Variants in CSMD2 observed in about 807,000 individuals in gnomAD.
CSMD2 encodes the protein CUB and Sushi multiple domains 2, also known as CUB and sushi domain-containing protein 2.
CSMD2 carries 130 observed loss-of-function variants against 398.5 expected under a neutral mutation model. That is an observed-to-expected ratio of 0.33 (90% CI 0.28 to 0.38). CSMD2 has a LOEUF of 0.38. CSMD2 is among the 10% of genes least tolerant of loss of function. The pLI is 1.00. For missense variants in CSMD2, 3,829 were observed against 4,764.9 expected, an observed-to-expected ratio of 0.80 and a Z score of 5.78; for synonymous variants, 1,828 against 1,908.5, an observed-to-expected ratio of 0.96 and a Z score of 1.10.
In CSMD2 at chr1:33,543,012, G is replaced by A. The variant is rs1315350072; in HGVS notation, c.9101-116C>T. 1.4e-5 allele frequency: 10 copies of A among 718,792 alleles called. No homozygotes were observed. The African/African-American group carries it at 1.6e-4, about 12-fold the overall frequency. 44.5% of individuals were successfully genotyped at this position (718,792 alleles called of 1,614,324 possible). A position where few individuals can be genotyped will look rare whatever the true frequency, so the allele number is the denominator to read the frequency against. ...ACCTCGGGACCTCGTGGATAGAAAT[G>A]CCTCTCATGCTGCTTTTGTATCGAA... On this transcript the variant is annotated intron_variant, in intron 57 of 70. Transcript: ENST00000373381.
intron 5 of CSMD2, among the ~76,000 whole-genome samples, chr1:33,889,625 T>A (rs1017482939): frequency 8.6e-5 from 13 of 151,606 alleles, no homozygotes; most frequent in African/African-American, 3.2e-4. Flanking sequence ...ATGCAATTAT[T>A]AGGGAAATTG....
At chr1:33,831,668 C>A (rs1659580120) in intron 6 of CSMD2, among the ~76,000 whole-genome samples, 2 of 151,890 alleles carry the variant, frequency 1.3e-5, no homozygotes, top group African/African-American at 4.8e-5. Flanking sequence ...ACAATATTAA[C>A]CTTAAATGTA....
chr1:34,064,205 G>C (rs575222117), intron 2 of CSMD2, among the ~76,000 whole-genome samples: 1 of 152,274 alleles, frequency 6.6e-6, no homozygotes, highest in African/African-American at 2.4e-5. Flanking sequence ...TTGGTTCCTT[G>C]TTACTTATGC....
chr1:33,907,376 C>T (rs1643163571), intron 5 of CSMD2, among the ~76,000 whole-genome samples: 2 of 151,968 alleles, frequency 1.3e-5, no homozygotes, highest in Non-Finnish European at 2.9e-5. Flanking sequence ...ATCCGCCCAC[C>T]TCGGCCTCCC....
At chr1:33,854,887 C>A (rs569337190) in intron 5 of CSMD2, among the ~76,000 whole-genome samples, 2 of 152,114 alleles carry the variant, frequency 1.3e-5, no homozygotes, top group African/African-American at 4.8e-5. Flanking sequence ...CTCACCAACA[C>A]GCTGGGTCTT....
chr1:33,886,976 T>G (rs796439639), intron 5 of CSMD2, among the ~76,000 whole-genome samples: 2 of 147,854 alleles, frequency 1.4e-5, no homozygotes, highest in East Asian at 4.0e-4. Context: ...GACTCAGAGG[T>G]TTTTTTTTTT....
Position 33,716,283 on chromosome 1 carries a change from T to C in CSMD2, c.3217+3A>G. ...TCCCCTCAGGGACCCTCATACTCTT[T>C]ACCTGAGAAGGTGATGTTGAATCCT... On this transcript the variant is annotated splice_donor_region_variant and intron_variant, in intron 20 of 70. Transcript: ENST00000373381. 5 of 1,612,466 alleles carry C rather than the reference T, an allele frequency of 3.1e-6. No individual in the cohort carries two copies. Among genetic ancestry groups the C allele is most frequent in the Non-Finnish European group, 4.2e-6 (5 of 1,178,538 alleles).
At position 34,090,286 on chromosome 1, in the gene CSMD2, G is replaced by A. The variant is rs74068042; in HGVS notation, c.188-1093C>T. On this transcript the variant is annotated intron_variant, in intron 1 of 70. Coordinates refer to ENST00000373381, the MANE Select transcript of CSMD2 (RefSeq NM_001281956.2). ...GGTGATGTGATGATGCCCTCTGTGGGACCACACTTTGAGCAGCAATGCCCT... is the reference window on the plus strand; with the variant it reads ...GGTGATGTGATGATGCCCTCTGTGGAACCACACTTTGAGCAGCAATGCCCT... 3.8e-3 allele frequency among the ~76,000 whole-genome samples: 584 copies of A among 152,256 alleles called. 6 individuals carry two copies. The highest frequency in any genetic ancestry group is 0.024 in the Middle Eastern group (7 of 294).
intron 1 of CSMD2, among the ~76,000 whole-genome samples, chr1:34,092,537 G>T (rs895798403): frequency 6.6e-6 from 1 of 152,154 alleles, no homozygotes; most frequent in Non-Finnish European, 1.5e-5. Flanking sequence ...GTGGGCGCAG[G>T]TCAGTGGGTG....
At chr1:33,700,894 A>G (rs1645590967) in intron 22 of CSMD2, among the ~76,000 whole-genome samples, 1 of 152,206 alleles carries the variant, frequency 6.6e-6, no homozygotes, top group African/African-American at 2.4e-5. Context: ...GCCCATCTTT[A>G]GTGTGAATCT....
chr1:33,953,785 C>G (rs533520395), intron 3 of CSMD2, among the ~76,000 whole-genome samples: 2 of 152,282 alleles, frequency 1.3e-5, no homozygotes, highest in South Asian at 4.1e-4. Context: ...TCAAGCTGAC[C>G]CTGCTCCCTG....
intron 1 of CSMD2, among the ~76,000 whole-genome samples, chr1:34,140,351 C>CCT (rs35013313): frequency 0.99 from 149,797 of 151,024 alleles, 74,298 homozygotes; most frequent in Middle Eastern, 1. Flanking sequence ...AAAGCATGGC[C>CCT]CTGTGAGCTT....
intron 1 of CSMD2, among the ~76,000 whole-genome samples, chr1:34,146,158 C>A (rs887031579): frequency 6.6e-6 from 1 of 152,122 alleles, no homozygotes; most frequent in African/African-American, 2.4e-5. Context: ...CTCAGCCTCC[C>A]GAGTCACCAG....
intron 1 of CSMD2, among the ~76,000 whole-genome samples, chr1:34,102,335 G>A (rs767169452): frequency 3.9e-5 from 6 of 152,212 alleles, no homozygotes; most frequent in Non-Finnish European, 8.8e-5. Context: ...TGGCCAAAAT[G>A]TTCACTTTCT....
intron 28 of CSMD2, among the ~76,000 whole-genome samples, chr1:33,651,479 C>A (rs776666992): frequency 6.6e-6 from 1 of 152,090 alleles, no homozygotes; most frequent in Non-Finnish European, 1.5e-5. Flanking sequence ...GGGTGGGCAG[C>A]AGAATGGAGT....
chr1:34,125,543 G>A (rs1236191764), intron 1 of CSMD2, among the ~76,000 whole-genome samples: 1 of 151,100 alleles, frequency 6.6e-6, no homozygotes, highest in African/African-American at 2.5e-5. Context: ...GTGTGTGTGT[G>A]TGTGTGTGTT....
At chr1:33,827,770 A>G (rs1658996150) in intron 6 of CSMD2, among the ~76,000 whole-genome samples, 1 of 152,224 alleles carries the variant, frequency 6.6e-6, no homozygotes, top group Admixed American at 6.5e-5. Flanking sequence ...ATCAGGGTTC[A>G]AAGTGGTTTA....
chr1:33,788,400 C>A (rs189842055), intron 12 of CSMD2, among the ~76,000 whole-genome samples, 200 bp downstream of exon 12: 7 of 149,226 alleles, frequency 4.7e-5, no homozygotes, highest in Middle Eastern at 3.6e-3. Flanking sequence ...CCCAGCTACT[C>A]GGGAGGCTGA....
At chr1:34,150,083 T>TTTC (rs144014898) in intron 1 of CSMD2, among the ~76,000 whole-genome samples, 3,602 of 145,832 alleles carry the variant, frequency 0.025, 98 homozygotes, top group African/African-American at 0.038. Flanking sequence ...TTCTTTCTTT[T>TTTC]TTTTTTGTTT....
Sources: allele counts gnomAD v4.1 joint callset (sites outside exome capture counted in the v4.1 genomes callset), GRCh38; gene constraint gnomAD v4.1.1; transcripts MANE v1.5; gene names NCBI Gene and HGNC (gene_info 2026-07-23, HGNC 2026-07-21).